The following EIF4G3 variants were observed in gnomAD, a reference collection of about 807,000 sequenced individuals.
EIF4G3 encodes eukaryotic translation initiation factor 4 gamma 3.
EIF4G3 carries 34 observed loss-of-function variants against 186.4 expected under a neutral mutation model. The observed-to-expected ratio is 0.18, with a 90% CI of 0.14 to 0.24. EIF4G3 has a LOEUF of 0.24. Ranked by LOEUF, EIF4G3 falls within the 10% of genes least tolerant of loss-of-function variation. EIF4G3 has a pLI of 1.00. For synonymous variants in EIF4G3, 673 were observed against 679.5 expected (o/e 0.99, Z 0.15); for missense variants, 1,536 against 1,948.5 (o/e 0.79, Z 3.99).
chr1:20,882,176 T>C (rs1451346370), intron 19 of EIF4G3, among the ~76,000 whole-genome samples: 3 of 86,952 alleles, frequency 3.5e-5, no homozygotes, highest in South Asian at 7.1e-4. Context: ...AAAGAAAAAT[T>C]ACACACACAC....
chr1:20,915,717 A>C (rs1558218886), intron 14 of EIF4G3, among the ~76,000 whole-genome samples: 1 of 152,218 alleles, frequency 6.6e-6, no homozygotes, highest in African/African-American at 2.4e-5. Flanking sequence ...AATAAAAACG[A>C]AATTCCTCAT....
intron 4 of EIF4G3, among the ~76,000 whole-genome samples, chr1:21,047,461 G>A (rs1048404259): frequency 4.6e-5 from 7 of 151,960 alleles, no homozygotes; most frequent in Non-Finnish European, 7.4e-5. Flanking sequence ...TCACCTTCCC[G>A]CCACCTCCCA....
chr1:21,068,746 G>A (rs1453049848), intron 3 of EIF4G3, among the ~76,000 whole-genome samples: 1 of 152,124 alleles, frequency 6.6e-6, no homozygotes, highest in East Asian at 1.9e-4. Flanking sequence ...GCTTAGAAAA[G>A]TAACTGTTAC....
chr1:21,114,099 G>T (rs2096775124), intron 2 of EIF4G3, among the ~76,000 whole-genome samples: 1 of 151,760 alleles, frequency 6.6e-6, no homozygotes, highest in African/African-American at 2.4e-5. Context: ...TCAAGTTCAT[G>T]GTGGTGGATA....
intron 3 of EIF4G3, among the ~76,000 whole-genome samples, chr1:21,067,065 T>A (rs916768675): frequency 6.6e-6 from 1 of 152,064 alleles, no homozygotes; most frequent in African/African-American, 2.4e-5. Context: ...CTTGTATCTT[T>A]AAGGTTAATC....
rs116495456 is a variant in EIF4G3 at position 21,041,845 on chromosome 1, A to G, written c.-67+9021T>C. ...AGAAAAGGGTCCATCAACTGATGAAAAGCTTGGAAATCAGACTTAGCCCTT... is the reference window on the plus strand; with the variant it reads ...AGAAAAGGGTCCATCAACTGATGAAGAGCTTGGAAATCAGACTTAGCCCTT... On this transcript the variant is annotated intron_variant, in intron 4 of 36. Coordinates refer to ENST00000602326, the MANE Select transcript of EIF4G3 (RefSeq NM_001391906.1). Among the ~76,000 whole-genome samples, 786 of 152,300 alleles carry G rather than the reference A, an allele frequency of 5.2e-3. 7 individuals carry two copies. The highest frequency in any genetic ancestry group is 0.018 in the African/African-American group (755 of 41,560).
rs1349020464 is a variant in EIF4G3, at chr1:21,007,530, AAAAAAAAC to A, written c.-66-4730_-66-4723del. Among the ~76,000 whole-genome samples, 71 of 142,788 alleles carry A rather than the reference AAAAAAAAC, an allele frequency of 5.0e-4. 3 individuals carry two copies. The highest frequency in any genetic ancestry group is 1.6e-3 in the Admixed American group (22 of 14,098). The allele number at this position is 142,788 out of a possible 152,430, so 93.7% of individuals were successfully genotyped here. A position where few individuals can be genotyped will look rare whatever the true frequency, so the allele number is the denominator to read the frequency against. ...GGCCCCTCCTTAAAAAAAAAAAAAA[AAAAAAAAC>A]ACACTCAAAAACAAAAAAACTGGAA... On this transcript the variant is annotated intron_variant, in intron 4 of 36. Transcript: ENST00000602326.
intron 4 of EIF4G3, among the ~76,000 whole-genome samples, chr1:21,033,313 C>T (rs1272945997): frequency 6.6e-6 from 1 of 151,826 alleles, no homozygotes; most frequent in African/African-American, 2.4e-5. Context: ...GATATAAATA[C>T]CTATTAGTAA....
At chr1:21,011,652 C>T (rs2087139944) in intron 4 of EIF4G3, among the ~76,000 whole-genome samples, 1 of 152,140 alleles carries the variant, frequency 6.6e-6, no homozygotes, top group East Asian at 1.9e-4. Context: ...CCCTACCTAC[C>T]CTATTAATAG....
intron 20 of EIF4G3, among the ~76,000 whole-genome samples, chr1:20,877,596 A>C (rs2154553859): frequency 6.6e-6 from 1 of 152,322 alleles, no homozygotes; most frequent in East Asian, 1.9e-4. Flanking sequence ...CCAACATTCA[A>C]AACCTTCACA....
chr1:20,917,706 T>C lies in EIF4G3; in HGVS notation c.1664-12735A>G, dbSNP rs1484080149. 3.3e-5 allele frequency among the ~76,000 whole-genome samples: 5 copies of C among 152,198 alleles called. No homozygotes were observed. In the East Asian group the frequency reaches 5.8e-4, roughly 18 times the overall value. On this transcript the variant is annotated intron_variant, in intron 14 of 36. Transcript: ENST00000602326. ...AATACGATTATAGTTATCGTTTATA[T>C]AGAGCATGTTCCTGTTAAAAGTGAT...
rs1177326915 is a variant in EIF4G3, at chr1:20,981,603, G to A, written c.199-376C>T. Reference sequence around the variant, plus strand: ...ACTGTATGTATACATACATGTATACGCACATACTGTATGTATACATACATG... The same window carrying A: ...ACTGTATGTATACATACATGTATACACACATACTGTATGTATACATACATG... On this transcript the variant is annotated intron_variant, in intron 8 of 36. Transcript: ENST00000602326. Among the ~76,000 whole-genome samples, 601 of 100,692 alleles carry A rather than the reference G, an allele frequency of 6.0e-3. 12 individuals carry two copies. Among genetic ancestry groups the A allele is most frequent in the African/African-American group, 0.023 (533 of 23,620 alleles). 66.1% of individuals were successfully genotyped at this position (100,692 alleles called of 152,430 possible).
chr1:21,096,213 A>C (rs1263455421), intron 2 of EIF4G3, among the ~76,000 whole-genome samples: 1 of 152,244 alleles, frequency 6.6e-6, no homozygotes, highest in East Asian at 1.9e-4. Flanking sequence ...CTATTCAACC[A>C]TAAAAAAATG....
At chr1:21,037,336 T>C (rs534370683) in intron 4 of EIF4G3, among the ~76,000 whole-genome samples, 5 of 152,234 alleles carry the variant, frequency 3.3e-5, no homozygotes, top group Admixed American at 2.0e-4. Flanking sequence ...CTAGTTTTCA[T>C]TCAACTATTT....
At chr1:21,107,501 T>C (rs10916936) in intron 2 of EIF4G3, among the ~76,000 whole-genome samples, 4,992 of 152,194 alleles carry the variant, frequency 0.033, 270 homozygotes, top group African/African-American at 0.11. Flanking sequence ...AAAAATAGCT[T>C]AGCATTTACA....
intron 2 of EIF4G3, among the ~76,000 whole-genome samples, chr1:21,104,665 A>C (rs2096583986): frequency 6.6e-6 from 1 of 152,208 alleles, no homozygotes; most frequent in Non-Finnish European, 1.5e-5. Flanking sequence ...GCAGTTTACC[A>C]ATTTCTCAAA....
chr1:20,901,495 A>C (rs1283230025), intron 15 of EIF4G3, among the ~76,000 whole-genome samples: 2 of 152,176 alleles, frequency 1.3e-5, no homozygotes, highest in Non-Finnish European at 2.9e-5. Flanking sequence ...ATAAAATGTG[A>C]AACTTTTTTT....
intron 7 of EIF4G3, among the ~76,000 whole-genome samples, chr1:20,989,233 G>A (rs141822573): frequency 7.3e-5 from 11 of 151,194 alleles, no homozygotes; most frequent in South Asian, 2.1e-4. Flanking sequence ...GTGCTGATAC[G>A]GTGGAAATGG....
rs1421641785 is a variant in EIF4G3 at position 20,930,795 on chromosome 1, G to A, written c.1663+10696C>T. ...TGAGCCCCTCAAAGTTGTCCATGAAGGTTAGAATCAACTTCTTCCAAATGC... is the reference window on the plus strand; with the variant it reads ...TGAGCCCCTCAAAGTTGTCCATGAAAGTTAGAATCAACTTCTTCCAAATGC... On this transcript the variant is annotated intron_variant, in intron 14 of 36. Transcript: ENST00000602326. Among the ~76,000 whole-genome samples the A allele has an allele frequency of 4.6e-5, 7 of 152,224 alleles. No homozygotes were observed. The East Asian group carries it at 1.3e-3, about 29-fold the overall frequency.
Sources: allele counts gnomAD v4.1 joint callset (sites outside exome capture counted in the v4.1 genomes callset), GRCh38; gene constraint gnomAD v4.1.1; transcripts MANE v1.5; gene names NCBI Gene and HGNC (gene_info 2026-07-23, HGNC 2026-07-21).